ZNF75A: variants seen among roughly 807,000 people sequenced by gnomAD.
ZNF75A encodes zinc finger protein 75A.
Under a neutral mutation model 46.3 loss-of-function variants are expected in ZNF75A, and 36 were observed. The ratio of observed to expected loss-of-function variants is 0.78; its 90% CI spans 0.60 to 1.03. ZNF75A has a LOEUF of 1.03. Ranked by LOEUF, ZNF75A falls within the 50% of genes least tolerant of loss-of-function variation. ZNF75A has a pLI of 0.00. For synonymous variants in ZNF75A, 234 were observed against 189.9 expected (o/e 1.23, Z -1.91); for missense variants, 595 against 551.3 (o/e 1.08, Z -0.79).
intron 5 of ZNF75A, chr16:3,316,568 A>G (rs1961220892): frequency 5.9e-6 from 1 of 169,900 alleles, no homozygotes; most frequent in African/African-American, 2.4e-5. Flanking sequence ...CCTTCTGAAG[A>G]GTTAATAAGA....
chr16:3,323,260 C>T, downstream of ZNF75A: 2 of 801,962 alleles, frequency 2.5e-6, no homozygotes, highest in Non-Finnish European at 2.2e-6. Context: ...TTGAGGAAGC[C>T]CACTGTATTT....
At position 3,308,607 on chromosome 16, in the gene ZNF75A, G is replaced by A. The variant is rs559258410; in HGVS notation, c.179G>A (p.Gly60Asp). 2.2e-5 allele frequency: 22 copies of A among 986,214 alleles called. No homozygotes were observed. The East Asian group carries it at 1.2e-3, about 56-fold the overall frequency. 61.1% of individuals were successfully genotyped at this position (986,214 alleles called of 1,614,324 possible). The change falls in exon 2 of 7, where the codon GGT becomes GAT. Residue 60 changes from glycine to aspartate, a missense_variant. By Grantham distance (94) the Gly-to-Asp change is moderately conservative. Coordinates refer to ENST00000669516, the MANE Select transcript of ZNF75A (RefSeq NM_001302109.2). ...CGGAATTTCACCTATGATGAAGCAG[G>A]TGGACCCCGTGAGGCTGTCAGCAAA... ...HFRNFTYDEA[G>D]GPREAVSKLQ...
chr16:3,312,938 A>G (rs1960921038), intron 4 of ZNF75A, 111 bp from the exon 5 acceptor site: 2 of 1,401,978 alleles, frequency 1.4e-6, no homozygotes, highest in Non-Finnish European at 9.5e-7. Context: ...TTCTCACTTA[A>G]AAAAATCATG....
chr16:3,319,855 C>A (rs1961462977), downstream of ZNF75A, among the ~76,000 whole-genome samples: 1 of 148,968 alleles, frequency 6.7e-6, no homozygotes, highest in Non-Finnish European at 1.5e-5. Context: ...CTGCCTTAAT[C>A]ATGGAACCAC....
intron 5 of ZNF75A, chr16:3,316,614 T>TC (rs1199484975): frequency 9.8e-6 from 2 of 204,052 alleles, no homozygotes; most frequent in South Asian, 2.8e-4. Context: ...GGAGCTTGGT[T>TC]CCCCCTTGGT....
chr16:3,318,084 C>A lies in ZNF75A; in HGVS notation c.*215C>A, dbSNP rs1359935344. On this transcript the variant is annotated 3_prime_UTR_variant, in exon 7 of 7. Coordinates refer to ENST00000669516, the MANE Select transcript of ZNF75A (RefSeq NM_001302109.2). ...TAAACATTGTTGGCTTTGTATTGATCTCTCCAGTCATTTTTGAACACATCC... is the reference window on the plus strand; with the variant it reads ...TAAACATTGTTGGCTTTGTATTGATATCTCCAGTCATTTTTGAACACATCC... 4 of 1,344,252 alleles carry A rather than the reference C, an allele frequency of 3.0e-6. No individual in the cohort carries two copies. Among genetic ancestry groups the A allele is most frequent in the East Asian group, 2.8e-5 (1 of 35,604 alleles). 83.3% of individuals were successfully genotyped at this position (1,344,252 alleles called of 1,614,324 possible).
chr16:3,315,546 A>G (rs919152824), intron 5 of ZNF75A, among the ~76,000 whole-genome samples: 4 of 152,018 alleles, frequency 2.6e-5, no homozygotes, highest in Admixed American at 6.6e-5. Context: ...CTGTTAATTC[A>G]TTAGCAAGTT....
At chr16:3,320,065 A>T (rs1203252972), downstream of ZNF75A, among the ~76,000 whole-genome samples, 10 of 150,226 alleles carry the variant, frequency 6.7e-5, no homozygotes, top group Non-Finnish European at 1.3e-4. Context: ...TTTTTTCTTG[A>T]GACGGAGTCT....
At chr16:3,307,342 A>G (rs1960360686) in intron 1 of ZNF75A, 3 of 152,366 alleles carry the variant, frequency 2.0e-5, no homozygotes, top group South Asian at 2.1e-4. Flanking sequence ...GTATACATAG[A>G]GAAAATAGTA....
chr16:3,309,388 T>A (rs1421358655), intron 2 of ZNF75A: 1 of 146,980 alleles, frequency 6.8e-6, no homozygotes, highest in Non-Finnish European at 1.5e-5. Flanking sequence ...CCTGGGAGGT[T>A]GCAGTGAGCC....
chr16:3,321,153 T>C (rs2029924108), downstream of ZNF75A, among the ~76,000 whole-genome samples: 1 of 152,232 alleles, frequency 6.6e-6, no homozygotes, highest in Admixed American at 6.5e-5. Context: ...TAAAATCTAT[T>C]GAGGCTTGCT....
Position 3,311,934 on chromosome 16 carries a change from C to CT in ZNF75A, c.591dup (p.Val198CysfsTer3). 1.0e-6 allele frequency: 1 copy of CT among 986,536 alleles called. No individual in the cohort carries two copies. The allele number at this position is 986,536 out of a possible 1,614,324, so 61.1% of individuals were successfully genotyped here. A position where few individuals can be genotyped will look rare whatever the true frequency, so the allele number is the denominator to read the frequency against. The stretch of plus-strand genomic sequence containing the variant: ...AGGAATACTCATAAAGAGACTGAGC[C>CT]TGTGTATGAGAGGGGTAAGGAGCTT... On this transcript the variant is annotated frameshift_variant, in exon 3 of 7. Coordinates refer to ENST00000669516, the MANE Select transcript of ZNF75A (RefSeq NM_001302109.2). LOFTEE classifies it high-confidence loss of function.
chr16:3,318,042 T>G lies in ZNF75A; in HGVS notation c.*173T>G, dbSNP rs958371498. On this transcript the variant is annotated 3_prime_UTR_variant, in exon 7 of 7. Coordinates refer to ENST00000669516, the MANE Select transcript of ZNF75A (RefSeq NM_001302109.2). The stretch of plus-strand genomic sequence containing the variant: ...CTTGCTCTGCAGCCACTCAGTAGTC[T>G]TCTGTGGTCACAGAAGTAAACATTG... 26 of 1,400,484 alleles carry G rather than the reference T, an allele frequency of 1.9e-5. No homozygotes were observed. The highest frequency in any genetic ancestry group is 2.3e-5 in the Non-Finnish European group (25 of 1,083,778). 86.8% of individuals were successfully genotyped at this position (1,400,484 alleles called of 1,614,324 possible).
intron 1 of ZNF75A, chr16:3,306,366 A>G (rs777552425): frequency 3.3e-5 from 5 of 152,190 alleles, no homozygotes; most frequent in Non-Finnish European, 7.4e-5. Flanking sequence ...ACAAGTTGAT[A>G]TTTTGTAAAC....
At chr16:3,312,593 A>G (rs1960892569) in intron 3 of ZNF75A, 84 bp from the exon 4 acceptor site, 4 of 517,592 alleles carry the variant, frequency 7.7e-6, no homozygotes, top group Non-Finnish European at 1.0e-5. Flanking sequence ...ATCTGTACTT[A>G]AAAAGTCAGG....
intron 1 of ZNF75A, 63 bp downstream of exon 1, chr16:3,305,706 C>A (rs923569675): frequency 2.6e-5 from 4 of 152,266 alleles, no homozygotes; most frequent in African/African-American, 9.6e-5. Flanking sequence ...GCGGCGGCCG[C>A]AGGGAGGCAG....
At chr16:3,312,490 G>C (rs1960884377) in intron 3 of ZNF75A, 187 bp from the exon 4 acceptor site, 1 of 152,680 alleles carries the variant, frequency 6.5e-6, no homozygotes, top group Admixed American at 6.5e-5. Context: ...CATTTAGTTG[G>C]GGAACTAGTT....
chr16:3,307,668 C>T (rs1960392032), intron 1 of ZNF75A: 1 of 151,206 alleles, frequency 6.6e-6, no homozygotes, highest in Non-Finnish European at 1.5e-5. Flanking sequence ...GTGTGCTCTA[C>T]CATCCTGGCT....
In ZNF75A at chr16:3,318,169, T is replaced by A; in HGVS notation, c.*300T>A. On this transcript the variant is annotated 3_prime_UTR_variant, in exon 7 of 7. Coordinates refer to ENST00000669516, the MANE Select transcript of ZNF75A (RefSeq NM_001302109.2). ...AAAAGCAGTAACATGCATGTTTAAT[T>A]GCATACCATTCTCTTCACAGTAGCA... 1 of 1,111,072 alleles carries A rather than the reference T, an allele frequency of 9.0e-7. No individual in the cohort carries two copies. Among genetic ancestry groups the A allele is most frequent in the African/African-American group, 1.6e-5 (1 of 61,318 alleles). The allele number at this position is 1,111,072 out of a possible 1,614,324, so 68.8% of individuals were successfully genotyped here. A position where few individuals can be genotyped will look rare whatever the true frequency, so the allele number is the denominator to read the frequency against.
Sources: gnomAD v4.1 joint callset for allele counts (sites outside exome capture counted in the v4.1 genomes callset) on GRCh38, gnomAD v4.1.1 for gene constraint, MANE v1.5 for transcripts, NCBI Gene and HGNC (gene_info 2026-07-23, HGNC 2026-07-21) for gene names.